NRXN3: variants seen among roughly 807,000 people sequenced by gnomAD.
NRXN3 encodes the protein neurexin III.
A neutral mutation model predicts 137.6 loss-of-function variants in NRXN3; 32 were observed. That is an observed-to-expected ratio of 0.23 (90% confidence interval 0.18 to 0.31). NRXN3 has a LOEUF of 0.31. Ranked by LOEUF, NRXN3 falls within the 10% of genes least tolerant of loss-of-function variation. The pLI is 1.00. For synonymous variants in NRXN3, 798 were observed against 784.5 expected (o/e 1.02, Z -0.29); for missense variants, 1,574 against 2,062.5 (o/e 0.76, Z 4.59).
intron 14 of NRXN3, among the ~76,000 whole-genome samples, chr14:78,981,449 G>C (rs1402737832): frequency 6.6e-6 from 1 of 152,130 alleles, no homozygotes; most frequent in African/African-American, 2.4e-5. Flanking sequence ...GCCACCTATG[G>C]ATTTTGGGGA....
intron 16 of NRXN3, among the ~76,000 whole-genome samples, chr14:79,596,205 G>A (rs1343701459): frequency 6.6e-6 from 1 of 152,072 alleles, no homozygotes; most frequent in Non-Finnish European, 1.5e-5. Flanking sequence ...GGAGAGGTGA[G>A]CTGATAGTTG....
intron 15 of NRXN3, among the ~76,000 whole-genome samples, chr14:79,393,069 G>A (rs2094907124): frequency 6.6e-6 from 1 of 151,448 alleles, no homozygotes; most frequent in South Asian, 2.1e-4. Context: ...GTGTAAATTA[G>A]TGAAACCATT....
intron 19 of NRXN3, among the ~76,000 whole-genome samples, chr14:79,700,070 T>G (rs1266287766): frequency 6.6e-6 from 1 of 152,052 alleles, no homozygotes; most frequent in East Asian, 1.9e-4. Context: ...CATTAAAAAC[T>G]TAAAAGCCTC....
intron 4 of NRXN3, among the ~76,000 whole-genome samples, chr14:78,442,168 G>A (rs1035312141): frequency 6.6e-6 from 1 of 151,836 alleles, no homozygotes; most frequent in Admixed American, 6.6e-5. Context: ...TTGGGAGGCT[G>A]GGACAGGAGA....
chr14:79,270,851 C>A (rs2079187568), intron 15 of NRXN3, among the ~76,000 whole-genome samples: 1 of 152,178 alleles, frequency 6.6e-6, no homozygotes, highest in South Asian at 2.1e-4. Flanking sequence ...GTATCCCCCA[C>A]CTCACCTCGT....
chr14:78,887,434 A>G (rs1445907181), intron 10 of NRXN3, among the ~76,000 whole-genome samples: 2 of 152,008 alleles, frequency 1.3e-5, no homozygotes, highest in Non-Finnish European at 2.9e-5. Flanking sequence ...TTGCCACTAC[A>G]TTCAGTGACA....
At chr14:78,600,154 G>A (rs1038906742) in intron 4 of NRXN3, among the ~76,000 whole-genome samples, 1 of 151,984 alleles carries the variant, frequency 6.6e-6, no homozygotes, top group Non-Finnish European at 1.5e-5. Flanking sequence ...GCTGGTCTTG[G>A]GTATCCGACA....
chr14:78,607,557 A>T (rs1349512849), intron 4 of NRXN3, among the ~76,000 whole-genome samples: 1 of 152,146 alleles, frequency 6.6e-6, no homozygotes, highest in Non-Finnish European at 1.5e-5. Context: ...TGCACCTGCT[A>T]TTTGCCTGGT....
intron 15 of NRXN3, among the ~76,000 whole-genome samples, chr14:79,441,111 A>G (rs1446187733): frequency 2.6e-5 from 4 of 152,186 alleles, no homozygotes; most frequent in Non-Finnish European, 5.9e-5. Context: ...GTTACGGATT[A>G]TAGGTTTCAA....
At chr14:78,257,394 G>T (rs1206224186) in intron 2 of NRXN3, among the ~76,000 whole-genome samples, 2 of 152,230 alleles carry the variant, frequency 1.3e-5, no homozygotes, top group Admixed American at 6.5e-5. Flanking sequence ...GTCAGGCAAA[G>T]AAGTATATAG....
intron 16 of NRXN3, among the ~76,000 whole-genome samples, chr14:79,608,398 G>A (rs1157158940): frequency 2.6e-5 from 4 of 152,182 alleles, no homozygotes; most frequent in Non-Finnish European, 4.4e-5. Context: ...GAAAGGGTTA[G>A]GAAAGTTACA....
chr14:79,459,356 T>A (rs2096296793), intron 15 of NRXN3, among the ~76,000 whole-genome samples: 1 of 152,084 alleles, frequency 6.6e-6, no homozygotes, highest in Non-Finnish European at 1.5e-5. Flanking sequence ...CTGACCTTGC[T>A]TTATTTTTCA....
chr14:79,105,631 A>G lies in NRXN3; in HGVS notation c.3262+117490A>G, dbSNP rs868745164. Among the ~76,000 whole-genome samples, 7 of 152,226 alleles carry G rather than the reference A, an allele frequency of 4.6e-5. No individual in the cohort carries two copies. The South Asian group carries it at 1.4e-3, about 32-fold the overall frequency. On this transcript the variant is annotated intron_variant, in intron 15 of 20. Transcript: ENST00000335750. ...CACCCCCAAATTCTTACCCCATTTC[A>G]GGCAGAGCTGAGCAAACATAAGCCT...
At chr14:78,262,671 A>G (rs1213495186) in intron 2 of NRXN3, among the ~76,000 whole-genome samples, 2 of 152,038 alleles carry the variant, frequency 1.3e-5, no homozygotes, top group Admixed American at 6.5e-5. Context: ...CGGTACATGA[A>G]GAGAAAGGGG....
At chr14:79,069,138 G>A (rs2099684321) in intron 15 of NRXN3, among the ~76,000 whole-genome samples, 1 of 152,052 alleles carries the variant, frequency 6.6e-6, no homozygotes, top group African/African-American at 2.4e-5. Flanking sequence ...AAATATGAAA[G>A]GCTGTGAGAT....
At chr14:78,825,137 C>T (rs2098962554) in intron 10 of NRXN3, among the ~76,000 whole-genome samples, 2 of 139,612 alleles carry the variant, frequency 1.4e-5, no homozygotes, top group South Asian at 2.2e-4. Context: ...GCGGAGGTTG[C>T]AGTGAGCCGA....
At chr14:79,440,861 T>C (rs1237880819) in intron 15 of NRXN3, among the ~76,000 whole-genome samples, 1 of 152,186 alleles carries the variant, frequency 6.6e-6, no homozygotes, top group Non-Finnish European at 1.5e-5. Flanking sequence ...CTTAGATGGC[T>C]CTAGTTCTTT....
intron 3 of NRXN3, among the ~76,000 whole-genome samples, chr14:78,294,188 A>G (rs1038873814): frequency 1.5e-4 from 23 of 152,226 alleles, no homozygotes; most frequent in African/African-American, 5.1e-4. Context: ...GTCAGGTACT[A>G]TAATAGGTGT....
At chr14:79,846,242 A>G (rs1171249740) in intron 20 of NRXN3, among the ~76,000 whole-genome samples, 1 of 152,238 alleles carries the variant, frequency 6.6e-6, no homozygotes, top group Non-Finnish European at 1.5e-5. Context: ...TGTGAAGCAC[A>G]GTAAAGCAAA....
Sources: gnomAD v4.1 joint callset for allele counts (sites outside exome capture counted in the v4.1 genomes callset) on GRCh38, gnomAD v4.1.1 for gene constraint, MANE v1.5 for transcripts, NCBI Gene and HGNC (gene_info 2026-07-23, HGNC 2026-07-21) for gene names.